Variants in DAAM1 observed in about 807,000 individuals in gnomAD.
DAAM1 encodes dishevelled associated activator of morphogenesis 1.
Under a neutral mutation model 130.0 loss-of-function variants are expected in DAAM1, and 52 were observed. The ratio of observed to expected loss-of-function variants is 0.40; its 90% CI spans 0.32 to 0.50. The LOEUF is 0.50. Ranked by LOEUF, DAAM1 falls within the 20% of genes least tolerant of loss-of-function variation. The probability of loss-of-function intolerance (pLI) is 0.61; values close to 1 mark genes in which losing one functional copy is unlikely to be tolerated. For synonymous variants in DAAM1, 452 were observed against 444.5 expected, an observed-to-expected ratio of 1.02 and a Z score of -0.21; for missense variants, 1,134 against 1,303.8, an observed-to-expected ratio of 0.87 and a Z score of 2.01.
At chr14:59,206,062 C>T (rs540853107) in intron 1 of DAAM1, among the ~76,000 whole-genome samples, 3 of 152,032 alleles carry the variant, frequency 2.0e-5, no homozygotes, top group African/African-American at 7.2e-5. Context: ...CTATGTTGCC[C>T]AGGCTGGTCT....
At chr14:59,278,086 G>A (rs1883050134) in intron 2 of DAAM1, among the ~76,000 whole-genome samples, 1 of 152,156 alleles carries the variant, frequency 6.6e-6, no homozygotes, top group Non-Finnish European at 1.5e-5. Flanking sequence ...ACAATAGGTT[G>A]TAATAAATGT....
intron 3 of DAAM1, among the ~76,000 whole-genome samples, chr14:59,308,464 C>CAA (rs1884452535): frequency 1.3e-5 from 2 of 151,926 alleles, no homozygotes; most frequent in African/African-American, 4.8e-5. Context: ...CAAAAGCCAA[C>CAA]AAGTGCTTGA....
chr14:59,334,829 G>T (rs933365368), intron 15 of DAAM1, among the ~76,000 whole-genome samples: 7 of 152,114 alleles, frequency 4.6e-5, no homozygotes, highest in Non-Finnish European at 8.8e-5. Flanking sequence ...TTAAATTTTT[G>T]CACAGGCCCA....
Position 59,353,861 on chromosome 14 carries a change from T to A in DAAM1, c.2268-15T>A. On this transcript the variant is annotated splice_polypyrimidine_tract_variant and intron_variant, in intron 18 of 24. Transcript: ENST00000360909. ...TATTAAATGAATATCAATTAGTACA[T>A]GTTTGCTCTTACAGAATTAATCACT... 6.2e-7 allele frequency: 1 copy of A among 1,612,026 alleles called. No individual in the cohort carries two copies. Among genetic ancestry groups the A allele is most frequent in the Non-Finnish European group, 8.5e-7 (1 of 1,178,486 alleles).
intron 1 of DAAM1, among the ~76,000 whole-genome samples, chr14:59,248,518 G>T (rs1426519765): frequency 1.3e-5 from 2 of 152,062 alleles, no homozygotes; most frequent in African/African-American, 4.8e-5. Flanking sequence ...GGAATCCCCA[G>T]TGAGAAAACA....
Position 59,338,915 on chromosome 14 carries a change from C to G in DAAM1, c.1969-1159C>G, listed in dbSNP as rs949165399. Among the ~76,000 whole-genome samples the G allele has an allele frequency of 1.6e-4, 24 of 152,094 alleles. 1 individual carries two copies. The highest frequency in any genetic ancestry group is 1.4e-3 in the Admixed American group (22 of 15,264). The stretch of plus-strand genomic sequence containing the variant: ...TTGATATGCTTAGTGTCTGAGCAAG[C>G]CAGATTGCAGTCACGTCACTACAAA... On this transcript the variant is annotated intron_variant, in intron 15 of 24. Transcript: ENST00000360909.
intron 4 of DAAM1, among the ~76,000 whole-genome samples, chr14:59,318,337 C>T (rs1211180853): frequency 6.6e-6 from 1 of 151,854 alleles, no homozygotes; most frequent in Non-Finnish European, 1.5e-5. Flanking sequence ...GCCTCTCTGT[C>T]AGACCCGCGT....
intron 1 of DAAM1, among the ~76,000 whole-genome samples, chr14:59,211,203 G>T (rs1343645496): frequency 2.6e-5 from 4 of 152,098 alleles, no homozygotes; most frequent in African/African-American, 9.7e-5. Context: ...AATTTTAGAT[G>T]ATTGTAATAA....
At chr14:59,291,393 T>TG in intron 3 of DAAM1, 87 bp downstream of exon 3, 1 of 1,060,392 alleles carries the variant, frequency 9.4e-7, no homozygotes, top group South Asian at 1.5e-5. Flanking sequence ...ATTGGACAGC[T>TG]CTTTGTAATA....
chr14:59,226,685 G>A (rs764692156), intron 1 of DAAM1, among the ~76,000 whole-genome samples: 5 of 152,126 alleles, frequency 3.3e-5, no homozygotes, highest in Admixed American at 6.6e-5. Context: ...GCAATTTAAC[G>A]TGCTTATTCA....
intron 1 of DAAM1, among the ~76,000 whole-genome samples, chr14:59,237,442 C>T (rs1889338547): frequency 6.6e-6 from 1 of 152,100 alleles, no homozygotes. Context: ...TTGACCACCC[C>T]TGAGCAAGCT....
chr14:59,353,752 G>A, intron 18 of DAAM1, 124 bp from the exon 19 acceptor site: 1 of 794,726 alleles, frequency 1.3e-6, no homozygotes, highest in Non-Finnish European at 2.0e-6. Context: ...ACTAATGTAT[G>A]TGTGTCGGGG....
At position 59,347,596 on chromosome 14, in the gene DAAM1, A is replaced by G; in HGVS notation, c.2133A>G (p.Glu711=). The part of the protein sequence containing the change: ...KRAILTMDEQ[E]DLPKDMLEQL... ...CAATTCTAACAATGGACGAACAGGAAGATCTGCCCAAGGACATGTTGGAAC... is the reference window on the plus strand; with the variant it reads ...CAATTCTAACAATGGACGAACAGGAGGATCTGCCCAAGGACATGTTGGAAC... Residue 711 remains glutamate (E), a synonymous_variant, in exon 17 of 25, where the codon GAA becomes GAG. Transcript: ENST00000360909. 2 of 1,613,968 alleles carry G rather than the reference A, an allele frequency of 1.2e-6. No individual in the cohort carries two copies. The highest frequency in any genetic ancestry group is 1.7e-6 in the Non-Finnish European group (2 of 1,179,886).
At chr14:59,360,752 A>G (rs1337893038) in intron 21 of DAAM1, 50 bp from the exon 22 acceptor site, 1 of 1,506,608 alleles carries the variant, frequency 6.6e-7, no homozygotes, top group Non-Finnish European at 9.1e-7. Context: ...TCTTATATTT[A>G]ATATGTGTAA....
chr14:59,344,359 C>T (rs1885981904), intron 16 of DAAM1, among the ~76,000 whole-genome samples: 1 of 152,180 alleles, frequency 6.6e-6, no homozygotes, highest in South Asian at 2.1e-4. Context: ...GTTTTGAATA[C>T]TGTTTTAAGA....
chr14:59,321,077 A>C (rs1403292263), intron 5 of DAAM1, among the ~76,000 whole-genome samples: 1 of 152,182 alleles, frequency 6.6e-6, no homozygotes, highest in African/African-American at 2.4e-5. Flanking sequence ...TCAGCTGATG[A>C]ATGGATAAAT....
At chr14:59,352,700 C>A in intron 18 of DAAM1, 68 bp downstream of exon 18, 1 of 1,401,366 alleles carries the variant, frequency 7.1e-7, no homozygotes. Flanking sequence ...ATTTTCAATT[C>A]ATGTTGAATT....
chr14:59,288,947 T>C (rs929035603), intron 2 of DAAM1, among the ~76,000 whole-genome samples: 1 of 151,986 alleles, frequency 6.6e-6, no homozygotes, highest in Non-Finnish European at 1.5e-5. Flanking sequence ...GATGAAGCCT[T>C]GGTCTGTCAC....
rs184094119 is a variant in DAAM1 at position 59,369,848 on chromosome 14, T to C, written c.*989T>C. 7 of 150,618 alleles carry C rather than the reference T, an allele frequency of 4.6e-5. No homozygotes were observed. In the East Asian group the frequency reaches 7.8e-4, roughly 17 times the overall value. 9.3% of individuals were successfully genotyped at this position (150,618 alleles called of 1,614,324 possible). On this transcript the variant is annotated 3_prime_UTR_variant, in exon 25 of 25. Coordinates refer to ENST00000360909, the MANE Select transcript of DAAM1 (RefSeq NM_001270520.2). The stretch of plus-strand genomic sequence containing the variant: ...GGACAAGCTGCATTTTCTGTAAATA[T>C]AGGTCTGGACTAAAGGATACATAAA...
Sources: gnomAD v4.1 joint callset for allele counts (sites outside exome capture counted in the v4.1 genomes callset) on GRCh38, gnomAD v4.1.1 for gene constraint, MANE v1.5 for transcripts, NCBI Gene and HGNC (gene_info 2026-07-23, HGNC 2026-07-21) for gene names.